The following ZC3H11A variants were observed in gnomAD, a reference collection of about 807,000 sequenced individuals.
ZC3H11A encodes zinc finger CCCH-type containing 11A.
ZC3H11A carries 22 observed loss-of-function variants against 90.8 expected under a neutral mutation model. The ratio of observed to expected loss-of-function variants is 0.24; its 90% CI spans 0.17 to 0.35. The LOEUF (loss-of-function observed/expected upper bound fraction) is 0.35, where lower values mean the gene tolerates loss of function less well. Ranked by LOEUF, ZC3H11A falls within the 10% of genes least tolerant of loss-of-function variation. ZC3H11A has a pLI of 1.00. For missense variants in ZC3H11A, 701 were observed against 964.9 expected (o/e 0.73, Z 3.62); for synonymous variants, 294 against 339.8 (o/e 0.87, Z 1.48).
intron 2 of ZC3H11A, chr1:203,806,139 C>G (rs1672259890): frequency 2.0e-6 from 1 of 503,832 alleles, no homozygotes; most frequent in South Asian, 1.5e-5. Context: ...CCTTATACTT[C>G]ACTAGCTCAG....
At chr1:203,796,172 G>C (rs1274443299) in intron 1 of ZC3H11A, 2 of 357,786 alleles carry the variant, frequency 5.6e-6, no homozygotes, top group Non-Finnish European at 1.0e-5. Flanking sequence ...CCCGAAGAGA[G>C]AACTGACACT....
chr1:203,815,534 A>G (rs911504544), intron 2 of ZC3H11A, among the ~76,000 whole-genome samples: 2 of 151,986 alleles, frequency 1.3e-5, no homozygotes, highest in African/African-American at 4.8e-5. Flanking sequence ...CATTATTAAA[A>G]CAAGATTGTG....
rs565360886 is a variant in ZC3H11A at position 203,832,351 on chromosome 1, G to A, written c.811+580G>A. On this transcript the variant is annotated intron_variant, in intron 9 of 17. Coordinates refer to ENST00000367210, the MANE Select transcript of ZC3H11A (RefSeq NM_001376342.1). ...GCTGGGATTACAGGTGTGAGCCACC[G>A]TTCTTGGCCATTAATTTTTTTTTTT... Among the ~76,000 whole-genome samples, 139 of 151,396 alleles carry A rather than the reference G, an allele frequency of 9.2e-4. 2 individuals are homozygous for A. In the South Asian group the frequency reaches 0.014, roughly 16 times the overall value.
chr1:203,828,862 A>G (rs1209387512), intron 5 of ZC3H11A, among the ~76,000 whole-genome samples: 1 of 152,234 alleles, frequency 6.6e-6, no homozygotes, highest in Admixed American at 6.5e-5. Context: ...CACAAAGCCT[A>G]AATTATTAAC....
intron 1 of ZC3H11A, chr1:203,801,339 G>A (rs1249633032): frequency 6.6e-6 from 1 of 152,040 alleles, no homozygotes; most frequent in Non-Finnish European, 1.5e-5. Context: ...TTAACTGTGC[G>A]GTTGTTTTGG....
At chr1:203,797,921 C>T (rs1198384538) in intron 1 of ZC3H11A, 10 of 1,535,768 alleles carry the variant, frequency 6.5e-6, no homozygotes, top group Non-Finnish European at 8.7e-6. Flanking sequence ...CCAAGACCTC[C>T]ATTGTGTGGC....
chr1:203,815,825 G>A (rs935395835), intron 2 of ZC3H11A, among the ~76,000 whole-genome samples: 2 of 152,176 alleles, frequency 1.3e-5, no homozygotes, highest in Non-Finnish European at 2.9e-5. Flanking sequence ...CTTCTGGTAT[G>A]TACGTTTGTG....
chr1:203,804,503 CTG>C (rs1031708510), intron 2 of ZC3H11A, among the ~76,000 whole-genome samples: 2 of 151,978 alleles, frequency 1.3e-5, no homozygotes, highest in African/African-American at 4.8e-5. Flanking sequence ...TATCTTTTTA[CTG>C]TGAGTGGTAC....
At chr1:203,846,925 A>C (rs894619888) in intron 12 of ZC3H11A, among the ~76,000 whole-genome samples, 3 of 151,672 alleles carry the variant, frequency 2.0e-5, no homozygotes, top group Non-Finnish European at 2.9e-5. Flanking sequence ...AATCACTTGA[A>C]CCCTGGGAGG....
chr1:203,817,815 T>C, intron 3 of ZC3H11A, among the ~76,000 whole-genome samples: 1 of 151,984 alleles, frequency 6.6e-6, no homozygotes, highest in East Asian at 1.9e-4. Flanking sequence ...TGCAGTGGTA[T>C]GGTCTTGGCT....
intron 7 of ZC3H11A, 53 bp from the exon 8 acceptor site, chr1:203,830,070 T>C (rs1184657648): frequency 2.1e-6 from 3 of 1,455,546 alleles, no homozygotes; most frequent in Non-Finnish European, 2.9e-6. Context: ...ACAGATAAAA[T>C]ACAAAGATGA....
rs778059892 is a variant in ZC3H11A, at chr1:203,852,185, C to G, written c.2219C>G (p.Pro740Arg). 1.2e-6 allele frequency: 2 copies of G among 1,613,532 alleles called. No homozygotes were observed. Among genetic ancestry groups the G allele is most frequent in the African/African-American group, 1.3e-5 (1 of 74,786 alleles). The part of the protein sequence containing the change: ...PTQSSSDSSP[P>R]EVSGPSSSQM... ...CAGTCCTCTTCAGATTCCTCACCCC[C>G]GGAGGTGTCTGGCCCTTCCTCATCC... The change falls in exon 18 of 18, where the codon CCG (proline) becomes CGG (arginine). Residue 740 changes from proline (P) to arginine (R), a missense_variant. Transcript: ENST00000367210.
chr1:203,812,374 T>A (rs1674777707), intron 2 of ZC3H11A, among the ~76,000 whole-genome samples: 1 of 152,144 alleles, frequency 6.6e-6, no homozygotes, highest in Non-Finnish European at 1.5e-5. Context: ...GAACATGCTG[T>A]ATTTGGTTTC....
chr1:203,850,791 T>C (rs149659065), intron 16 of ZC3H11A, 110 bp downstream of exon 16: 3 of 1,429,948 alleles, frequency 2.1e-6, no homozygotes, highest in Non-Finnish European at 2.8e-6. Flanking sequence ...TGGCATTTCC[T>C]AGCATTTTAG....
At chr1:203,830,051 C>CT (rs1572175957) in intron 7 of ZC3H11A, 72 bp from the exon 8 acceptor site, 2 of 1,357,020 alleles carry the variant, frequency 1.5e-6, no homozygotes, top group East Asian at 4.6e-5. Flanking sequence ...AAATAAATGC[C>CT]TGCTATGTAC....
chr1:203,844,659 A>T (rs1687386850), intron 12 of ZC3H11A, among the ~76,000 whole-genome samples: 1 of 151,882 alleles, frequency 6.6e-6, no homozygotes, highest in African/African-American at 2.4e-5. Flanking sequence ...CTCTCTCCTG[A>T]CTGGGAGACT....
At chr1:203,840,435 T>A in intron 12 of ZC3H11A, 61 bp downstream of exon 12, 1 of 1,513,018 alleles carries the variant, frequency 6.6e-7, no homozygotes, top group Non-Finnish European at 9.0e-7. Flanking sequence ...AGCCTTTGCT[T>A]TTTCTCAGAT....
chr1:203,811,061 A>T (rs1446386970), intron 2 of ZC3H11A, among the ~76,000 whole-genome samples: 2 of 151,898 alleles, frequency 1.3e-5, no homozygotes, highest in Non-Finnish European at 2.9e-5. Context: ...GAATCGCTTG[A>T]AACCAGAAGG....
chr1:203,809,154 C>CT (rs1673398703), intron 2 of ZC3H11A, among the ~76,000 whole-genome samples: 1 of 131,772 alleles, frequency 7.6e-6, no homozygotes, highest in South Asian at 2.5e-4. Flanking sequence ...ATTTTTGAAG[C>CT]TTTGTTTTCT....
Sources: gnomAD v4.1 joint callset for allele counts (sites outside exome capture counted in the v4.1 genomes callset) on GRCh38, gnomAD v4.1.1 for gene constraint, MANE v1.5 for transcripts, NCBI Gene and HGNC (gene_info 2026-07-23, HGNC 2026-07-21) for gene names.